Variants in GHRL observed in about 807,000 individuals in gnomAD.
GHRL encodes ghrelin and obestatin prepropeptide, also known as appetite-regulating hormone.
In GHRL, 24 loss-of-function variants were observed where a neutral mutation model predicts 16.9. That is an observed-to-expected ratio of 1.42 (90% CI 1.03 to 2.00). The LOEUF is 2.00. GHRL is among the 30% of genes most tolerant of loss of function. The pLI is 0.00. For synonymous variants in GHRL, 63 were observed against 58.2 expected (o/e 1.08, Z -0.37); for missense variants, 193 against 142.1 (o/e 1.36, Z -1.82).
rs767976379 is a variant in GHRL, at chr3:10,289,800, C to T, written c.187G>A (p.Gly63Ser). ...TCATCCTCTGCCCCTTCTGCTTGACCTCCATCTTCCGGGCGGAGCCAGCCT... is the reference window on the plus strand; with the variant it reads ...TCATCCTCTGCCCCTTCTGCTTGACTTCCATCTTCCGGGCGGAGCCAGCCT... ...LAGWLRPEDG[G>S]QAEGAEDELE... The change falls in exon 4 of 6, where the codon GGT (glycine) becomes AGT (serine). Residue 63 changes from glycine to serine, a missense_variant. Coordinates refer to ENST00000335542, the MANE Select transcript of GHRL (RefSeq NM_016362.5). 2.0e-5 allele frequency: 33 copies of T among 1,613,258 alleles called. No individual in the cohort carries two copies. The South Asian group carries it at 3.5e-4, about 17-fold the overall frequency.
At chr3:10,291,692 T>C (rs749847324) in intron 1 of GHRL, among the ~76,000 whole-genome samples, 1 of 152,248 alleles carries the variant, frequency 6.6e-6, no homozygotes, top group Non-Finnish European at 1.5e-5. Flanking sequence ...CAGGAATTTC[T>C]TCCTTTCTGG....
In GHRL at chr3:10,292,775, A is replaced by G. The variant is rs531197480; in HGVS notation, c.-766+67T>C. The G allele has an allele frequency of 6.1e-6, 6 of 976,862 alleles. No homozygotes were observed. In the East Asian group the frequency reaches 1.6e-4, roughly 26 times the overall value. 60.5% of individuals were successfully genotyped at this position (976,862 alleles called of 1,614,324 possible). ...GAGCCACCAACCCATAAAAAAAAAA[A>G]TCCCCAAACAGAAAAATCCTAACTG... On this transcript the variant is annotated intron_variant, in intron 1 of 5. Coordinates refer to ENST00000335542, the MANE Select transcript of GHRL (RefSeq NM_016362.5).
Position 10,291,031 on chromosome 3 carries a change from G to A in GHRL, c.-345C>T, listed in dbSNP as rs947604024. 2 of 985,468 alleles carry A rather than the reference G, an allele frequency of 2.0e-6. No homozygotes were observed. Among genetic ancestry groups the A allele is most frequent in the Admixed American group, 6.1e-5 (1 of 16,270 alleles). The allele number at this position is 985,468 out of a possible 1,614,324, so 61.0% of individuals were successfully genotyped here. The stretch of plus-strand genomic sequence containing the variant: ...GGGAGGAGAGTGGCTCTGGGGTCTG[G>A]GTGCAGCTTTGTTGCTGTGTGACCT... On this transcript the variant is annotated 5_prime_UTR_variant, in exon 2 of 6. Coordinates refer to ENST00000335542, the MANE Select transcript of GHRL (RefSeq NM_016362.5).
At chr3:10,290,005 A>G (rs753727460) in intron 3 of GHRL, 68 bp downstream of exon 3, 34 of 1,574,126 alleles carry the variant, frequency 2.2e-5, no homozygotes, top group Non-Finnish European at 2.9e-5. Flanking sequence ...CTGCTGCTCC[A>G]GGTCACAGAG....
At chr3:10,289,121 A>G (rs1050153261) in intron 4 of GHRL, among the ~76,000 whole-genome samples, 1 of 152,214 alleles carries the variant, frequency 6.6e-6, no homozygotes, top group African/African-American at 2.4e-5. Context: ...AATATTTAGA[A>G]GAAACCATTC....
At position 10,290,097 on chromosome 3, in the gene GHRL, C is replaced by G. The variant is rs199668506; in HGVS notation, c.84G>C (p.Leu28=). Residue 28 remains leucine, a synonymous_variant, in exon 3 of 6, where the codon CTG becomes CTC. Transcript: ENST00000335542. ...CCTGGACTCTCTGGTGTTCAGGGCT[C>G]AGGAAGCTGGAGCCTGCCATGGCCA... ...LDLAMAGSSF[L]SPEHQRVQQR... 2.4e-5 allele frequency: 39 copies of G among 1,612,874 alleles called. No homozygotes were observed. In the East Asian group the frequency reaches 6.5e-4, roughly 27 times the overall value.
At chr3:10,290,270 C>T (rs1699784338) in intron 2 of GHRL, 61 bp from the exon 3 acceptor site, 2 of 1,508,314 alleles carry the variant, frequency 1.3e-6, no homozygotes, top group Non-Finnish European at 1.8e-6. Flanking sequence ...TGAGCTTGCT[C>T]AGGTAGGAGC....
chr3:10,288,404 C>CA (rs113223704), intron 4 of GHRL, among the ~76,000 whole-genome samples: 2 of 152,334 alleles, frequency 1.3e-5, no homozygotes, highest in African/African-American at 4.8e-5. Context: ...GTGTGGGTCA[C>CA]ATGCTCCAAG....
At chr3:10,286,918 G>T in intron 4 of GHRL, 106 bp from the exon 5 acceptor site, 1 of 688,560 alleles carries the variant, frequency 1.5e-6, no homozygotes, top group Non-Finnish European at 2.6e-6. Context: ...TGGAGAGGGA[G>T]AATGGCCTTT....
chr3:10,290,305 A>G (rs367817894), intron 2 of GHRL, 96 bp from the exon 3 acceptor site: 353 of 1,236,410 alleles, frequency 2.9e-4, no homozygotes, highest in South Asian at 7.8e-4. Context: ...GAAGGGCTTT[A>G]CCATCTGGGG....
rs1242290848 is a variant in GHRL at position 10,285,840 on chromosome 3, AAACTT to A, written c.*30_*34del. ...AGCGAAAAGCCAGATGAGCGCTTCT[AAACTT>A]AGAGAGAGGTGAGTAAGGCTTGTGG... On this transcript the variant is annotated 3_prime_UTR_variant, in exon 6 of 6. Coordinates refer to ENST00000335542, the MANE Select transcript of GHRL (RefSeq NM_016362.5). 1.2e-6 allele frequency: 2 copies of A among 1,600,068 alleles called. No individual in the cohort carries two copies. Among genetic ancestry groups the A allele is most frequent in the African/African-American group, 2.7e-5 (2 of 74,666 alleles).
At chr3:10,290,330 T>C in intron 2 of GHRL, 121 bp from the exon 3 acceptor site, 1 of 909,676 alleles carries the variant, frequency 1.1e-6, no homozygotes, top group Non-Finnish European at 1.6e-6. Flanking sequence ...GACTGCTGTG[T>C]AGAGAGGACC....
Position 10,292,589 on chromosome 3 carries a change from C to T in GHRL, c.-766+253G>A, listed in dbSNP as rs1029795143. 8 of 485,286 alleles carry T rather than the reference C, an allele frequency of 1.6e-5. No individual in the cohort carries two copies. The Admixed American group carries it at 3.0e-4, about 18-fold the overall frequency. The allele number at this position is 485,286 out of a possible 1,614,324, so 30.1% of individuals were successfully genotyped here. On this transcript the variant is annotated intron_variant, in intron 1 of 5. Transcript: ENST00000335542. Reference sequence around the variant, plus strand: ...ACCCACTGTGGTGGCTAAAATCCCACCTTTAGTCCCAGCAACATATGAGCA... The same window carrying T: ...ACCCACTGTGGTGGCTAAAATCCCATCTTTAGTCCCAGCAACATATGAGCA...
chr3:10,292,019 T>TG (rs1700086880), intron 1 of GHRL: 1 of 152,266 alleles, frequency 6.6e-6, no homozygotes, highest in Admixed American at 6.5e-5. Flanking sequence ...GGCCAGGTGA[T>TG]GGATGCCTTG....
Position 10,289,746 on chromosome 3 carries a change from C to A in GHRL, c.225+16G>T, listed in dbSNP as rs745757286. On this transcript the variant is annotated intron_variant, in intron 4 of 5. Coordinates refer to ENST00000335542, the MANE Select transcript of GHRL (RefSeq NM_016362.5). ...TCCTCGCTGCCACAGAAGCATAAAA[C>A]TGCAGAGGTACCGACCCGGACTTCC... 2 of 1,467,990 alleles carry A rather than the reference C, an allele frequency of 1.4e-6. No individual in the cohort carries two copies. The highest frequency in any genetic ancestry group is 1.1e-5 in the South Asian group (1 of 88,308). The allele number at this position is 1,467,990 out of a possible 1,614,324, so 90.9% of individuals were successfully genotyped here. A position where few individuals can be genotyped will look rare whatever the true frequency, so the allele number is the denominator to read the frequency against.
intron 4 of GHRL, 113 bp from the exon 5 acceptor site, chr3:10,286,925 C>T: frequency 1.5e-6 from 1 of 656,608 alleles, no homozygotes; most frequent in Admixed American, 2.5e-5. Context: ...GGAGAATGGC[C>T]TTTGGGCCCC....
chr3:10,291,574 A>G, intron 1 of GHRL, 123 bp from the exon 2 acceptor site: 1 of 557,180 alleles, frequency 1.8e-6, no homozygotes, highest in Non-Finnish European at 2.3e-6. Flanking sequence ...CGATGGGGGG[A>G]AAGTGGCTTC....
chr3:10,290,433 G>A (rs1223916436), intron 2 of GHRL: 3 of 487,414 alleles, frequency 6.2e-6, no homozygotes, highest in Non-Finnish European at 1.1e-5. Context: ...GGACTTGATA[G>A]GGGCTGGGGG....
At chr3:10,289,966 T>A in intron 3 of GHRL, 88 bp from the exon 4 acceptor site, 1 of 1,513,948 alleles carries the variant, frequency 6.6e-7, no homozygotes, top group Non-Finnish European at 9.1e-7. Context: ...CTTTGTGCTC[T>A]GGGAGAAGAC....
Sources: gnomAD v4.1 joint callset for allele counts (sites outside exome capture counted in the v4.1 genomes callset) on GRCh38, gnomAD v4.1.1 for gene constraint, MANE v1.5 for transcripts, NCBI Gene and HGNC (gene_info 2026-07-23, HGNC 2026-07-21) for gene names.